MME: variants seen among roughly 807,000 people sequenced by gnomAD.
MME encodes neprilysin.
Under a neutral mutation model 113.2 loss-of-function variants are expected in MME, and 98 were observed. The observed-to-expected ratio is 0.87, with a 90% CI of 0.74 to 1.02. The LOEUF is 1.02. MME is among the 50% of genes least tolerant of loss of function. The pLI is 0.00. For synonymous variants in MME, 292 were observed against 300.6 expected, an observed-to-expected ratio of 0.97 and a Z score of 0.30; for missense variants, 836 against 896.0, an observed-to-expected ratio of 0.93 and a Z score of 0.86.
chr3:155,132,514 C>A lies in MME; in HGVS notation c.721-5588C>A, dbSNP rs773697978. ...ATGATCACCTTTGAAACTACTGTTACGAGTACTAGGACTTACAATTTTTTT... is the reference window on the plus strand; with the variant it reads ...ATGATCACCTTTGAAACTACTGTTAAGAGTACTAGGACTTACAATTTTTTT... On this transcript the variant is annotated intron_variant, in intron 8 of 22. Coordinates refer to ENST00000360490, the MANE Select transcript of MME (RefSeq NM_007289.4). Among the ~76,000 whole-genome samples, 4 of 152,002 alleles carry A rather than the reference C, an allele frequency of 2.6e-5. No homozygotes were observed. In the South Asian group the frequency reaches 6.2e-4, roughly 24 times the overall value.
chr3:155,063,274 T>C (rs1714231738), intron 1 of MME, among the ~76,000 whole-genome samples: 1 of 115,568 alleles, frequency 8.7e-6, no homozygotes, highest in African/African-American at 3.5e-5. Flanking sequence ...ATATTATTTA[T>C]ATATTATAAT....
At chr3:155,076,938 T>C (rs1373767531), upstream of MME, among the ~76,000 whole-genome samples, 1 of 152,210 alleles carries the variant, frequency 6.6e-6, no homozygotes, top group African/African-American at 2.4e-5. Flanking sequence ...CATGGCCATC[T>C]TGGTTTTGGT....
At chr3:155,078,649 ATGTGTGTGTATGTGTGTGTG>A (rs1714858217), upstream of MME, among the ~76,000 whole-genome samples, 1 of 130,690 alleles carries the variant, frequency 7.7e-6, no homozygotes, top group Admixed American at 7.7e-5. Flanking sequence ...GAGTGTGAAT[ATGTGTGTGTATGTGTGTGTG>A]TGTGTGTGTG....
In MME at chr3:155,181,607, A is replaced by C. The variant is rs201143019; in HGVS notation, c.*1148A>C. On this transcript the variant is annotated 3_prime_UTR_variant, in exon 23 of 23. Coordinates refer to ENST00000360490, the MANE Select transcript of MME (RefSeq NM_007289.4). The stretch of plus-strand genomic sequence containing the variant: ...GAACTCATTGCTCCCTAAGACTGTG[A>C]CAACTGTCTAACTTTAGAAGTGCAT... 2.0e-5 allele frequency: 3 copies of C among 152,160 alleles called. No individual in the cohort carries two copies. The highest frequency in any genetic ancestry group is 4.4e-5 in the Non-Finnish European group (3 of 68,024). The allele number at this position is 152,160 out of a possible 1,614,324, so 9.4% of individuals were successfully genotyped here. A position where few individuals can be genotyped will look rare whatever the true frequency, so the allele number is the denominator to read the frequency against.
intron 15 of MME, among the ~76,000 whole-genome samples, chr3:155,148,092 T>C (rs1184812445): frequency 6.6e-6 from 1 of 152,136 alleles, no homozygotes; most frequent in African/African-American, 2.4e-5. Context: ...TATATCTCAG[T>C]TTCCTTGACT....
chr3:155,100,692 A>T (rs1471996138), intron 3 of MME, among the ~76,000 whole-genome samples: 2 of 152,128 alleles, frequency 1.3e-5, no homozygotes, highest in African/African-American at 4.8e-5. Context: ...AAAGAAACTC[A>T]TATCATGCAA....
rs1721147705 is a variant in MME, at chr3:155,142,106, T to G, written c.1073T>G (p.Ile358Ser). The G allele has an allele frequency of 6.2e-7, 1 of 1,613,748 alleles. No homozygotes were observed. The highest frequency in any genetic ancestry group is 1.3e-5 in the African/African-American group (1 of 74,914). ...GAATATTTAACCAAACTTAAGCCCA[T>G]TCTTACCAAATATTCTGCCAGGTAG... Reference protein sequence around the residue: ...APEYLTKLKPILTKYSARDLQ... With the variant: ...APEYLTKLKPSLTKYSARDLQ... The change falls in exon 11 of 23, where the codon ATT becomes AGT. Residue 358 changes from isoleucine (I) to serine (S), a missense_variant. Physicochemically the swap from Ile to Ser is moderately radical, Grantham distance 142. Transcript: ENST00000360490.
chr3:155,050,332 T>A (rs1461675808), intron 1 of MME, among the ~76,000 whole-genome samples: 5 of 152,206 alleles, frequency 3.3e-5, no homozygotes, highest in African/African-American at 4.8e-5. Context: ...TAATCTATAT[T>A]CCTTTGGTTA....
chr3:155,086,634 C>A (rs1715746737), intron 3 of MME, among the ~76,000 whole-genome samples: 3 of 152,082 alleles, frequency 2.0e-5, no homozygotes, highest in African/African-American at 7.2e-5. Context: ...TTTCTTCTTT[C>A]TTCAAGAAAA....
At chr3:155,043,595 G>A (rs368558477) in intron 1 of MME, among the ~76,000 whole-genome samples, 1 of 152,084 alleles carries the variant, frequency 6.6e-6, no homozygotes, top group Non-Finnish European at 1.5e-5. Flanking sequence ...GCCTCACGAA[G>A]TGCTGGGATT....
upstream of MME, among the ~76,000 whole-genome samples, chr3:155,078,258 C>T (rs1250157910): frequency 6.6e-6 from 1 of 152,054 alleles, no homozygotes; most frequent in Non-Finnish European, 1.5e-5. Context: ...TTCCAGGGCG[C>T]TAGTCAAGCC....
chr3:155,075,756 A>C (rs1576685321), upstream of MME, among the ~76,000 whole-genome samples: 1 of 152,156 alleles, frequency 6.6e-6, no homozygotes, highest in East Asian at 1.9e-4. Context: ...CTTGGGCTCA[A>C]GTGATTTTCC....
chr3:155,054,008 G>A (rs1713847150), intron 1 of MME, among the ~76,000 whole-genome samples: 1 of 152,140 alleles, frequency 6.6e-6, no homozygotes, highest in African/African-American at 2.4e-5. Context: ...TGTCCCAGTG[G>A]TCCACAGATG....
chr3:155,134,615 C>T (rs1720475846), intron 8 of MME, among the ~76,000 whole-genome samples: 1 of 152,036 alleles, frequency 6.6e-6, no homozygotes, highest in Non-Finnish European at 1.5e-5. Flanking sequence ...GTGCATAAGT[C>T]TTTGGTAGAA....
intron 9 of MME, among the ~76,000 whole-genome samples, chr3:155,139,266 G>C (rs1313681407): frequency 6.6e-6 from 1 of 152,074 alleles, no homozygotes; most frequent in Non-Finnish European, 1.5e-5. Context: ...CTGTAGTGTT[G>C]TGTCTTACCT....
At chr3:155,160,526 A>G (rs1722642737) in intron 17 of MME, 78 bp downstream of exon 17, 2 of 943,842 alleles carry the variant, frequency 2.1e-6, no homozygotes, top group Non-Finnish European at 1.7e-6. Context: ...ACCAATTACA[A>G]TACCTCTAAA....
At chr3:155,063,374 T>A (rs1301540671) in intron 1 of MME, among the ~76,000 whole-genome samples, 1 of 105,612 alleles carries the variant, frequency 9.5e-6, no homozygotes, top group Admixed American at 1.2e-4. Flanking sequence ...TATATATTTA[T>A]ATATAAATAT....
chr3:155,157,707 C>T (rs566897496), intron 16 of MME, among the ~76,000 whole-genome samples: 1 of 152,176 alleles, frequency 6.6e-6, no homozygotes, highest in East Asian at 1.9e-4. Context: ...TTACCAGGGA[C>T]AAAATGTCCT....
chr3:155,146,016 C>T (rs187596753), intron 14 of MME, among the ~76,000 whole-genome samples: 79 of 151,976 alleles, frequency 5.2e-4, no homozygotes, highest in Admixed American at 4.4e-3. Flanking sequence ...AACCATGTAA[C>T]TCAGAGATAC....
Sources: gnomAD v4.1 joint callset for allele counts (sites outside exome capture counted in the v4.1 genomes callset) on GRCh38, gnomAD v4.1.1 for gene constraint, MANE v1.5 for transcripts, NCBI Gene and HGNC (gene_info 2026-07-23, HGNC 2026-07-21) for gene names.